Variants in GOLGA4 observed in about 807,000 individuals in gnomAD.
The protein encoded by GOLGA4 is golgin subfamily A member 4.
In GOLGA4, 169 loss-of-function variants were observed where a neutral mutation model predicts 265.9. The observed-to-expected ratio is 0.64, with a 90% CI of 0.56 to 0.72. The LOEUF is 0.72. GOLGA4 is among the 30% of genes least tolerant of loss of function. The probability of loss-of-function intolerance (pLI) is 0.00; values close to 1 mark genes in which losing one functional copy is unlikely to be tolerated. For synonymous variants in GOLGA4, 923 were observed against 855.8 expected (o/e 1.08, Z -1.37); for missense variants, 2,482 against 2,483.4 (o/e 1.00, Z 0.01).
At chr3:37,276,153 C>T (rs993503221) in intron 2 of GOLGA4, 2 of 1,603,024 alleles carry the variant, frequency 1.2e-6, no homozygotes, top group Non-Finnish European at 1.7e-6. Flanking sequence ...GCTCTTCGAA[C>T]AGGGGATGAC....
At chr3:37,312,235 C>A (rs1000654020) in intron 10 of GOLGA4, among the ~76,000 whole-genome samples, 1 of 152,112 alleles carries the variant, frequency 6.6e-6, no homozygotes, top group Non-Finnish European at 1.5e-5. Flanking sequence ...TTTTTCATTC[C>A]TCCAGCGTTT....
chr3:37,255,694 G>A lies in GOLGA4; in HGVS notation c.162+4210G>A, dbSNP rs1282969096. ...TAGACTTTACTGTGTCTACTGTTGC[G>A]GTGGACAAATATTTATGTTTTGAGC... On this transcript the variant is annotated intron_variant, in intron 2 of 23. Transcript: ENST00000361924. Among the ~76,000 whole-genome samples, 30 of 151,932 alleles carry A rather than the reference G, an allele frequency of 2.0e-4. 1 individual carries two copies. The highest frequency in any genetic ancestry group is 6.6e-5 in the Admixed American group (1 of 15,256).
At chr3:37,272,435 G>A (rs2150723257) in intron 2 of GOLGA4, among the ~76,000 whole-genome samples, 1 of 152,284 alleles carries the variant, frequency 6.6e-6, no homozygotes, top group South Asian at 2.1e-4. Flanking sequence ...TACTGAGGAG[G>A]CTGAGGTGAG....
intron 7 of GOLGA4, 58 bp downstream of exon 7, chr3:37,296,277 G>T (rs773444452): frequency 7.7e-6 from 12 of 1,553,352 alleles, no homozygotes; most frequent in Non-Finnish European, 1.1e-5. Flanking sequence ...CAGGCTCCTT[G>T]GCTTACACCT....
chr3:37,314,307 C>T (rs567471588), intron 10 of GOLGA4, among the ~76,000 whole-genome samples: 1 of 151,998 alleles, frequency 6.6e-6, no homozygotes, highest in South Asian at 2.1e-4. Flanking sequence ...TTGCACCCGT[C>T]CTATCTGATT....
Position 37,315,519 on chromosome 3 carries a change from A to G in GOLGA4, c.1334A>G (p.Glu445Gly), listed in dbSNP as rs755265417. ...ATGGATGAACAAATAAAAACTATCG[A>G]AAAAACAAGTGAGGAGGAACGCATC... ...AEMDEQIKTI[E>G]KTSEEERISL... The change falls in exon 11 of 24, where the codon GAA becomes GGA. Residue 445 changes from glutamate to glycine, a missense_variant. Physicochemically the swap from Glu to Gly is moderately conservative, Grantham distance 98. This residue lies in a region of GOLGA4 where 1,536 missense variants were observed against 1,483.7 expected (regional missense o/e 1.04). Transcript: ENST00000361924. 1.2e-5 allele frequency: 20 copies of G among 1,613,950 alleles called. No homozygotes were observed. Among genetic ancestry groups the G allele is most frequent in the Non-Finnish European group, 3.4e-6 (4 of 1,179,918 alleles).
chr3:37,340,808 C>T lies in GOLGA4; in HGVS notation c.6472+609C>T, dbSNP rs541120844. ...TCTGTTTGGAGGCTGAATAGTATTC[C>T]ATGTGGTTAATCTGTTTTTTACAAT... On this transcript the variant is annotated intron_variant, in intron 20 of 23. Coordinates refer to ENST00000361924, the MANE Select transcript of GOLGA4 (RefSeq NM_002078.5). 2.6e-5 allele frequency among the ~76,000 whole-genome samples: 4 copies of T among 152,244 alleles called. No individual in the cohort carries two copies. In the East Asian group the frequency reaches 7.7e-4, roughly 29 times the overall value.
Position 37,327,528 on chromosome 3 carries a change from A to G in GOLGA4, c.5642A>G (p.Tyr1881Cys). Residue 1881 changes from tyrosine (Y) to cysteine (C), a missense_variant, in exon 14 of 24, where the codon TAT (tyrosine) becomes TGT (cysteine). Coordinates refer to ENST00000361924, the MANE Select transcript of GOLGA4 (RefSeq NM_002078.5). ...GAAATGGAAGAGTTGACCTCAAAAT[A>G]TGAAAAATTACAGGCTTTACAACAG... ...RVEMEELTSK[Y>C]EKLQALQQMD... The G allele has an allele frequency of 6.2e-7, 1 of 1,613,832 alleles. No homozygotes were observed. Among genetic ancestry groups the G allele is most frequent in the Non-Finnish European group, 8.5e-7 (1 of 1,179,754 alleles).
intron 1 of GOLGA4, among the ~76,000 whole-genome samples, chr3:37,245,934 T>C (rs1317629401): frequency 6.6e-6 from 1 of 152,156 alleles, no homozygotes; most frequent in Non-Finnish European, 1.5e-5. Flanking sequence ...TCTCCTTGCT[T>C]GTGAATTGTT....
At position 37,347,271 on chromosome 3, in the gene GOLGA4, AG is replaced by A; in HGVS notation, c.6552del (p.Glu2184AspfsTer3). On this transcript the variant is annotated frameshift_variant, in exon 21 of 24. Coordinates refer to ENST00000361924, the MANE Select transcript of GOLGA4 (RefSeq NM_002078.5). LOFTEE classifies it high-confidence loss of function. ...GAGTATTTGCGAAAAGTGCTTTTTGAGTATATGATGGGTCGTGAGACTAAGG... is the reference window on the plus strand; with the variant it reads ...GAGTATTTGCGAAAAGTGCTTTTTGATATATGATGGGTCGTGAGACTAAGG... Reference protein sequence around the residue: ...EFEYLRKVLFEYMMGRETKTM... With the variant: ...EFEYLRKVLFXYMMGRETKTM... 1 of 1,605,480 alleles carries A rather than the reference AG, an allele frequency of 6.2e-7. No individual in the cohort carries two copies. The highest frequency in any genetic ancestry group is 8.5e-7 in the Non-Finnish European group (1 of 1,172,386).
intron 10 of GOLGA4, among the ~76,000 whole-genome samples, chr3:37,306,497 T>TTC (rs201929228): frequency 2.7e-4 from 35 of 130,780 alleles, no homozygotes; most frequent in Admixed American, 1.7e-3. Flanking sequence ...TTCTTGGCTG[T>TTC]TCTCTGTGTG....
At chr3:37,345,021 C>G (rs1435728306) in intron 20 of GOLGA4, among the ~76,000 whole-genome samples, 1 of 151,860 alleles carries the variant, frequency 6.6e-6, no homozygotes, top group African/African-American at 2.4e-5. Flanking sequence ...TTGAGACTAA[C>G]CTGGACAATG....
At chr3:37,304,797 T>C (rs2096901773) in intron 10 of GOLGA4, among the ~76,000 whole-genome samples, 1 of 152,174 alleles carries the variant, frequency 6.6e-6, no homozygotes, top group South Asian at 2.1e-4. Context: ...AGAACAGCTT[T>C]CCTTCCCTTG....
intron 22 of GOLGA4, among the ~76,000 whole-genome samples, chr3:37,355,476 T>G (rs1161422866): frequency 6.6e-6 from 1 of 152,124 alleles, no homozygotes; most frequent in Non-Finnish European, 1.5e-5. Context: ...ATGGAAAGGA[T>G]GGAAAAGACA....
At chr3:37,308,212 G>A (rs1307021405) in intron 10 of GOLGA4, among the ~76,000 whole-genome samples, 16 of 149,714 alleles carry the variant, frequency 1.1e-4, no homozygotes, top group Non-Finnish European at 3.0e-5. Context: ...CAGCCTGGGC[G>A]ACAAGAACGA....
intron 6 of GOLGA4, among the ~76,000 whole-genome samples, chr3:37,295,511 T>G (rs1194714817): frequency 6.6e-6 from 1 of 152,214 alleles, no homozygotes; most frequent in Non-Finnish European, 1.5e-5. Context: ...GAGCCACCAC[T>G]CCTAGCTCTT....
rs536911592 is a variant in GOLGA4, at chr3:37,335,125, C to A, written c.6265C>A (p.Gln2089Lys). 6.2e-7 allele frequency: 1 copy of A among 1,606,760 alleles called. No individual in the cohort carries two copies. The highest frequency in any genetic ancestry group is 1.7e-5 in the Admixed American group (1 of 59,424). ...TQLEELQKKY[Q>K]QKLEQEENPG... ...ACTTGAGGAGCTGCAGAAGAAATAC[C>A]AGCAAAAGCTAGAGCAGGAGGAGAA... The change falls in exon 17 of 24, where the codon CAG becomes AAG. Residue 2089 changes from glutamine to lysine, a missense_variant. This residue lies in a region of GOLGA4 where 942 missense variants were observed against 983.1 expected (regional missense o/e 0.96). Coordinates refer to ENST00000361924, the MANE Select transcript of GOLGA4 (RefSeq NM_002078.5).
At chr3:37,284,137 A>G (rs188557964) in intron 3 of GOLGA4, among the ~76,000 whole-genome samples, 140 of 152,134 alleles carry the variant, frequency 9.2e-4, no homozygotes, top group African/African-American at 3.3e-3. Context: ...ATGACCTCTG[A>G]TTCTTGGGTT....
intron 2 of GOLGA4, among the ~76,000 whole-genome samples, chr3:37,260,868 A>G (rs559649188): frequency 3.9e-5 from 6 of 152,162 alleles, no homozygotes; most frequent in Non-Finnish European, 5.9e-5. Flanking sequence ...GTTTTTTCAC[A>G]TGGGAAAGGA....
Sources: gnomAD v4.1 joint callset for allele counts (sites outside exome capture counted in the v4.1 genomes callset) on GRCh38, gnomAD v4.1.1 for gene constraint, gnomAD v4.1.1 regional missense constraint, MANE v1.5 for transcripts, NCBI Gene and HGNC (gene_info 2026-07-23, HGNC 2026-07-21) for gene names.